The following SLC25A26 variants were observed in gnomAD, a reference collection of about 807,000 sequenced individuals.
The protein encoded by SLC25A26 is solute carrier family 25 member 26.
Under a neutral mutation model 37.8 loss-of-function variants are expected in SLC25A26, and 36 were observed. The ratio of observed to expected loss-of-function variants is 0.95; its 90% CI spans 0.73 to 1.26. The LOEUF (loss-of-function observed/expected upper bound fraction) is 1.26. SLC25A26 is among the 50% of genes most tolerant of loss of function. The pLI is 0.00. For missense variants in SLC25A26, 390 were observed against 331.1 expected (o/e 1.18, Z -1.38); for synonymous variants, 129 against 122.5 (o/e 1.05, Z -0.35).
intron 1 of SLC25A26, among the ~76,000 whole-genome samples, chr3:66,221,499 T>G (rs368396522): frequency 1.3e-5 from 2 of 151,756 alleles, no homozygotes; most frequent in East Asian, 3.9e-4. Flanking sequence ...AAAACCTTAC[T>G]CACATCGCTC....
At chr3:66,318,421 C>A (rs2075600461) in intron 5 of SLC25A26, among the ~76,000 whole-genome samples, 1 of 152,070 alleles carries the variant, frequency 6.6e-6, no homozygotes. Flanking sequence ...GGGAGGGAGC[C>A]CCCTTTCCCC....
intron 5 of SLC25A26, among the ~76,000 whole-genome samples, chr3:66,276,645 C>T (rs1472570746): frequency 2.0e-5 from 3 of 151,870 alleles, no homozygotes; most frequent in Non-Finnish European, 4.4e-5. Context: ...TTTTTGTTCC[C>T]TGTGCTGCAT....
intron 5 of SLC25A26, among the ~76,000 whole-genome samples, chr3:66,280,348 A>G (rs1237390260): frequency 1.3e-5 from 2 of 152,186 alleles, no homozygotes; most frequent in Non-Finnish European, 2.9e-5. Flanking sequence ...ATTCTCAATC[A>G]TTATTGCCAA....
At chr3:66,254,110 T>C (rs575875087) in intron 3 of SLC25A26, among the ~76,000 whole-genome samples, 21 of 152,330 alleles carry the variant, frequency 1.4e-4, no homozygotes, top group Non-Finnish European at 2.5e-4. Flanking sequence ...GGGAAAGGTT[T>C]GATGAACATA....
chr3:66,208,885 T>TATATATATAC (rs1196757082), intron 1 of SLC25A26, among the ~76,000 whole-genome samples: 3 of 105,604 alleles, frequency 2.8e-5, no homozygotes, highest in East Asian at 2.8e-4. Context: ...TATATATATA[T>TATATATATAC]ACACCTTTAT....
intron 1 of SLC25A26, among the ~76,000 whole-genome samples, chr3:66,178,052 G>A (rs925773088): frequency 6.6e-6 from 1 of 152,188 alleles, no homozygotes; most frequent in Non-Finnish European, 1.5e-5. Context: ...GACAGCTCGT[G>A]GGAATTGGAA....
intron 5 of SLC25A26, among the ~76,000 whole-genome samples, chr3:66,315,080 ATT>A (rs58312800): frequency 0.051 from 6,077 of 119,326 alleles, 275 homozygotes; most frequent in Admixed American, 0.15. Flanking sequence ...GGATTCTTTG[ATT>A]TTTTTTTTTT....
intron 2 of SLC25A26, among the ~76,000 whole-genome samples, chr3:66,239,405 A>T (rs2072460408): frequency 6.6e-6 from 1 of 152,140 alleles, no homozygotes; most frequent in African/African-American, 2.4e-5. Flanking sequence ...AGAACAGGGC[A>T]CTCTCATCTA....
chr3:66,194,026 A>G (rs927829239), intron 1 of SLC25A26, among the ~76,000 whole-genome samples: 8 of 152,332 alleles, frequency 5.3e-5, no homozygotes, highest in African/African-American at 1.9e-4. Flanking sequence ...AAGGAACGAT[A>G]AGTTGACAAC....
At chr3:66,160,359 A>C (rs2106710104) in intron 1 of SLC25A26, among the ~76,000 whole-genome samples, 1 of 152,166 alleles carries the variant, frequency 6.6e-6, no homozygotes, top group African/African-American at 2.4e-5. Context: ...CCATTTCACC[A>C]CCACTCCAAA....
At chr3:66,375,019 TG>T (rs1441445221) in intron 9 of SLC25A26, among the ~76,000 whole-genome samples, 2 of 152,174 alleles carry the variant, frequency 1.3e-5, no homozygotes, top group African/African-American at 4.8e-5. Flanking sequence ...GAAAAGTTCT[TG>T]AAGGAAATGA....
chr3:66,359,669 A>C (rs145886210), intron 6 of SLC25A26, among the ~76,000 whole-genome samples: 379 of 152,336 alleles, frequency 2.5e-3, no homozygotes, highest in African/African-American at 8.6e-3. Flanking sequence ...GCCACCTTAA[A>C]AGTAAAGAAA....
intron 5 of SLC25A26, among the ~76,000 whole-genome samples, chr3:66,324,481 A>T (rs573889255): frequency 4.7e-4 from 71 of 152,272 alleles, no homozygotes; most frequent in African/African-American, 1.6e-3. Flanking sequence ...TGGGGAGGTT[A>T]GGAATCTTGT....
At position 66,180,731 on chromosome 3, in the gene SLC25A26, G is replaced by A. The variant is rs1363144661; in HGVS notation, c.-353-40011G>A. 2.0e-5 allele frequency among the ~76,000 whole-genome samples: 3 copies of A among 152,208 alleles called. No homozygotes were observed. In the East Asian group the frequency reaches 5.8e-4, roughly 29 times the overall value. On this transcript the variant is annotated intron_variant, in intron 1 of 10. Coordinates refer to the SLC25A26 transcript ENST00000676754. Reference sequence around the variant, plus strand: ...CTGGGGGCGGGGTGGGGGACAGAGAGGGGAAGTAGACAAACTTTTTATTTT... The same window carrying A: ...CTGGGGGCGGGGTGGGGGACAGAGAAGGGAAGTAGACAAACTTTTTATTTT...
At chr3:66,346,550 AT>A in intron 6 of SLC25A26, 142 bp downstream of exon 6, 1 of 453,646 alleles carries the variant, frequency 2.2e-6, no homozygotes, top group Non-Finnish European at 3.9e-6. Context: ...TTTATGTGTG[AT>A]TTACATGCCA....
intron 1 of SLC25A26, among the ~76,000 whole-genome samples, chr3:66,209,908 A>ATT (rs2071259462): frequency 3.6e-4 from 8 of 22,392 alleles, no homozygotes; most frequent in African/African-American, 1.0e-3. Context: ...TTATATATAT[A>ATT]TATATATATA....
chr3:66,189,095 C>T (rs1252355406), intron 1 of SLC25A26, among the ~76,000 whole-genome samples: 7 of 152,138 alleles, frequency 4.6e-5, no homozygotes, highest in African/African-American at 1.7e-4. Flanking sequence ...TTCACTTTCA[C>T]CTTGATCCTG....
chr3:66,300,471 A>G (rs2075045510), intron 5 of SLC25A26, among the ~76,000 whole-genome samples: 1 of 152,140 alleles, frequency 6.6e-6, no homozygotes, highest in South Asian at 2.1e-4. Context: ...TATATTTCAA[A>G]TTACCTTTTC....
chr3:66,337,875 GACT>G (rs1244737913), intron 5 of SLC25A26, among the ~76,000 whole-genome samples: 5 of 151,878 alleles, frequency 3.3e-5, no homozygotes, highest in Admixed American at 1.3e-4. Context: ...TCTTCACCTT[GACT>G]ACTATTATAT....
Sources: allele counts gnomAD v4.1 joint callset (sites outside exome capture counted in the v4.1 genomes callset), GRCh38; gene constraint gnomAD v4.1.1; transcripts MANE v1.5; gene names NCBI Gene and HGNC (gene_info 2026-07-23, HGNC 2026-07-21).